The following FHOD3 variants were observed in gnomAD, a reference collection of about 807,000 sequenced individuals.
FHOD3 encodes the protein formin homology 2 domain containing 3, also known as FH1/FH2 domain-containing protein 3.
FHOD3 carries 90 observed loss-of-function variants against 173.0 expected under a neutral mutation model. That is an observed-to-expected ratio of 0.52 (90% CI 0.44 to 0.62). The LOEUF is 0.62. FHOD3 is among the 20% of genes least tolerant of loss of function. The pLI is 0.00. For missense variants in FHOD3, 1,945 were observed against 2,034.7 expected, an observed-to-expected ratio of 0.96 and a Z score of 0.85; for synonymous variants, 828 against 823.0, an observed-to-expected ratio of 1.01 and a Z score of -0.10.
At chr18:36,601,570 T>C (rs2148473072) in intron 7 of FHOD3, among the ~76,000 whole-genome samples, 1 of 152,306 alleles carries the variant, frequency 6.6e-6, no homozygotes, top group South Asian at 2.1e-4. Flanking sequence ...GATACTATCA[T>C]GGTCCTTGGG....
intron 1 of FHOD3, among the ~76,000 whole-genome samples, chr18:36,352,861 G>T (rs1351387152): frequency 6.6e-6 from 1 of 152,196 alleles, no homozygotes; most frequent in Non-Finnish European, 1.5e-5. Context: ...AACAGCAGTA[G>T]AAATTAAAGC....
intron 28 of FHOD3, among the ~76,000 whole-genome samples, chr18:36,777,251 G>A (rs2043743127): frequency 2.1e-5 from 3 of 142,152 alleles, no homozygotes; most frequent in South Asian, 4.4e-4. Flanking sequence ...CACCCAGGCT[G>A]GAGTGCAGTG....
chr18:36,478,188 A>G (rs2053695425), intron 3 of FHOD3, among the ~76,000 whole-genome samples: 1 of 152,316 alleles, frequency 6.6e-6, no homozygotes, highest in South Asian at 2.1e-4. Flanking sequence ...AAGGTTTTTA[A>G]TGCTACTTTT....
At chr18:36,536,338 C>T (rs12963484) in intron 5 of FHOD3, among the ~76,000 whole-genome samples, 64,683 of 152,124 alleles carry the variant, frequency 0.43, 13,888 homozygotes, top group East Asian at 0.57. Flanking sequence ...TAGAACTTTG[C>T]GACACTTTGA....
chr18:36,454,199 G>A (rs1363219533), intron 3 of FHOD3, among the ~76,000 whole-genome samples: 2 of 149,888 alleles, frequency 1.3e-5, no homozygotes, highest in African/African-American at 5.1e-5. Flanking sequence ...GGGAAGGAAA[G>A]GAGATGGAGA....
intron 9 of FHOD3, among the ~76,000 whole-genome samples, chr18:36,615,446 T>C (rs2033108993): frequency 6.6e-6 from 1 of 152,208 alleles, no homozygotes; most frequent in African/African-American, 2.4e-5. Context: ...TAACCATTTT[T>C]AACATTTTGG....
chr18:36,338,494 G>C (rs929921460), intron 1 of FHOD3, among the ~76,000 whole-genome samples: 1 of 152,232 alleles, frequency 6.6e-6, no homozygotes, highest in African/African-American at 2.4e-5. Context: ...GTGTGGCAGT[G>C]TTCTGCCAGT....
Position 36,594,825 on chromosome 18 carries a change from C to A in FHOD3, c.645C>A (p.Leu215=), listed in dbSNP as rs770618045. 2 of 1,613,872 alleles carry A rather than the reference C, an allele frequency of 1.2e-6. No homozygotes were observed. Among genetic ancestry groups the A allele is most frequent in the South Asian group, 1.1e-5 (1 of 91,024 alleles). ...LVVKTALKLL[L]VFVEYSESNA... ...TGAAGACAGCCCTGAAGCTGCTGCT[C>A]GTCTTTGTAGAGTACTCGGAGTCCA... The change falls in exon 7 of 29, where the codon CTC becomes CTA. Residue 215 remains leucine (L), a synonymous_variant. Coordinates refer to ENST00000590592, the MANE Select transcript of FHOD3 (RefSeq NM_001281740.3).
At chr18:36,500,292 T>C (rs1351511962) in intron 3 of FHOD3, among the ~76,000 whole-genome samples, 1 of 152,216 alleles carries the variant, frequency 6.6e-6, no homozygotes, top group Non-Finnish European at 1.5e-5. Flanking sequence ...AAGCAAATAC[T>C]GAGCTTTACC....
At chr18:36,620,267 C>T (rs887712985) in intron 9 of FHOD3, among the ~76,000 whole-genome samples, 3 of 152,202 alleles carry the variant, frequency 2.0e-5, no homozygotes, top group African/African-American at 7.2e-5. Flanking sequence ...ACATGAAAGG[C>T]AGGTTCTTTG....
chr18:36,456,455 A>C (rs1240612127), intron 3 of FHOD3, among the ~76,000 whole-genome samples: 1 of 152,088 alleles, frequency 6.6e-6, no homozygotes, highest in Non-Finnish European at 1.5e-5. Flanking sequence ...ATTGTAATAG[A>C]TTAGAAGATT....
chr18:36,373,598 G>A (rs1357825254), intron 3 of FHOD3, among the ~76,000 whole-genome samples: 4 of 152,210 alleles, frequency 2.6e-5, no homozygotes, highest in Non-Finnish European at 4.4e-5. Context: ...GGGTGGTGAG[G>A]TTGCAAGTGT....
At chr18:36,548,370 G>T (rs1222658489) in intron 5 of FHOD3, among the ~76,000 whole-genome samples, 3 of 152,118 alleles carry the variant, frequency 2.0e-5, no homozygotes, top group African/African-American at 7.2e-5. Flanking sequence ...TCTTTTGTTA[G>T]GTTCAGCCGT....
intron 3 of FHOD3, among the ~76,000 whole-genome samples, chr18:36,492,233 G>T (rs2054508098): frequency 6.6e-6 from 1 of 151,934 alleles, no homozygotes. Context: ...TCTCACTGTG[G>T]TTCATTTTGT....
intron 3 of FHOD3, among the ~76,000 whole-genome samples, chr18:36,454,834 A>C (rs2052077123): frequency 6.6e-6 from 1 of 152,056 alleles, no homozygotes; most frequent in Non-Finnish European, 1.5e-5. Context: ...CAGGTGTTCC[A>C]TATTCAGCTG....
chr18:36,477,634 C>A (rs2053663019), intron 3 of FHOD3, among the ~76,000 whole-genome samples: 1 of 151,530 alleles, frequency 6.6e-6, no homozygotes. Flanking sequence ...TTTATCATCT[C>A]ACCAGTCTCT....
intron 25 of FHOD3, among the ~76,000 whole-genome samples, chr18:36,756,612 A>G (rs924981550): frequency 6.6e-6 from 1 of 152,212 alleles, no homozygotes; most frequent in Non-Finnish European, 1.5e-5. Flanking sequence ...ACTGCTCTCT[A>G]GAAGTCCACA....
chr18:36,520,671 A>C (rs2056230445), intron 5 of FHOD3, among the ~76,000 whole-genome samples: 1 of 152,216 alleles, frequency 6.6e-6, no homozygotes, highest in Non-Finnish European at 1.5e-5. Context: ...CAGCTTAAAG[A>C]GCCATTGTTG....
chr18:36,484,424 A>G (rs1040195933), intron 3 of FHOD3, among the ~76,000 whole-genome samples: 1 of 152,154 alleles, frequency 6.6e-6, no homozygotes, highest in Non-Finnish European at 1.5e-5. Flanking sequence ...TTTTTGGTTC[A>G]TGGAGATGCT....
Sources: allele counts gnomAD v4.1 joint callset (sites outside exome capture counted in the v4.1 genomes callset), GRCh38; gene constraint gnomAD v4.1.1; transcripts MANE v1.5; gene names NCBI Gene and HGNC (gene_info 2026-07-23, HGNC 2026-07-21).